The following GIGYF1 variants were observed in gnomAD, a reference collection of about 807,000 sequenced individuals.
The protein encoded by GIGYF1 is GRB10 interacting GYF protein 1, also known as GRB10-interacting GYF protein 1.
In GIGYF1, 84 loss-of-function variants were observed where a neutral mutation model predicts 147.1. That is an observed-to-expected ratio of 0.57 (90% confidence interval 0.48 to 0.68). The LOEUF is 0.68. Among genes scored for constraint, GIGYF1 ranks in the 30% least tolerant of loss-of-function variants. GIGYF1 has a pLI of 0.00. For missense variants in GIGYF1, 1,485 were observed against 1,393.7 expected (o/e 1.07, Z -1.04); for synonymous variants, 752 against 589.5 (o/e 1.28, Z -3.99).
rs777623530 is a variant in GIGYF1, at chr7:100,683,327, C to CCTCCTCCTGCCGCCGCTTCTG, written c.2149_2169dup (p.Gln717_Glu723dup). 1.2e-6 allele frequency: 2 copies of CCTCCTCCTGCCGCCGCTTCTG among 1,613,864 alleles called. No homozygotes were observed. The highest frequency in any genetic ancestry group is 4.5e-5 in the East Asian group (2 of 44,888). On this transcript the variant is annotated inframe_insertion, in exon 21 of 27. Coordinates refer to ENST00000678049, the MANE Select transcript of GIGYF1 (RefSeq NM_001375765.1). ...ACGTGCTTGCGCCGAAACAGCTCTT[C>CCTCCTCCTGCCGCCGCTTCTG]CTCCTCCTGCCGCCGCTTCTGCTCC...
In GIGYF1 at chr7:100,684,039, GGAGCTGCTGCAGGAATGCCGT is replaced by G; in HGVS notation, c.1828_1848del (p.Thr610_Leu616del). 3.1e-6 allele frequency: 5 copies of G among 1,605,792 alleles called. No individual in the cohort carries two copies. Among genetic ancestry groups the G allele is most frequent in the Admixed American group, 1.7e-5 (1 of 59,896 alleles). ...ACGCACCTGGGGGGTTTGAGCGCCT[GGAGCTGCTGCAGGAATGCCGT>G]GAGCTGCTGCTGCTGCTGCTGTGGC... On this transcript the variant is annotated inframe_deletion, in exon 18 of 27. Coordinates refer to ENST00000678049, the MANE Select transcript of GIGYF1 (RefSeq NM_001375765.1).
At chr7:100,692,049 A>C (rs1424425393) in intron 1 of GIGYF1, among the ~76,000 whole-genome samples, 1 of 152,262 alleles carries the variant, frequency 6.6e-6, no homozygotes, top group Non-Finnish European at 1.5e-5. Context: ...CTTGGCACAG[A>C]ACAGAGCCAC....
At chr7:100,687,240 C>A (rs1805444183) in intron 8 of GIGYF1, 58 bp downstream of exon 8, 1 of 1,533,664 alleles carries the variant, frequency 6.5e-7, no homozygotes, top group South Asian at 1.1e-5. Context: ...AGCGACAGGG[C>A]CCAGGCCTCC....
In GIGYF1 at chr7:100,686,028, AC is replaced by A. The variant is rs778754093; in HGVS notation, c.999del (p.Leu334TrpfsTer11). The A allele has an allele frequency of 6.3e-7, 1 of 1,578,540 alleles. No homozygotes were observed. Among genetic ancestry groups the A allele is most frequent in the South Asian group, 1.1e-5 (1 of 89,684 alleles). ...TCGGAAGGTTCCTCCTCCTCCTCCA[AC>A]CCTTGGAAGTCCAGCTCCTGCTCCT... Reference protein sequence around the residue: ...IPEEQELDFQGLEEEEEPSEG... With the variant: ...IPEEQELDFQXLEEEEEPSEG... On this transcript the variant is annotated frameshift_variant, in exon 12 of 27. Coordinates refer to ENST00000678049, the MANE Select transcript of GIGYF1 (RefSeq NM_001375765.1). LOFTEE classifies it high-confidence loss of function.
At position 100,680,498 on chromosome 7, in the gene GIGYF1, C is replaced by G. The variant is rs948408578; in HGVS notation, c.*1221G>C. 6.6e-6 allele frequency: 1 copy of G among 152,650 alleles called. No homozygotes were observed. The highest frequency in any genetic ancestry group is 1.5e-5 in the Non-Finnish European group (1 of 68,076). 9.5% of individuals were successfully genotyped at this position (152,650 alleles called of 1,614,324 possible). A position where few individuals can be genotyped will look rare whatever the true frequency, so the allele number is the denominator to read the frequency against. ...GACCCAGGAGCCGCACACTTCTCTTCACCCCAACCTTACCCAACGGTAAAA... is the reference window on the plus strand; with the variant it reads ...GACCCAGGAGCCGCACACTTCTCTTGACCCCAACCTTACCCAACGGTAAAA... On this transcript the variant is annotated 3_prime_UTR_variant, in exon 27 of 27. Coordinates refer to ENST00000678049, the MANE Select transcript of GIGYF1 (RefSeq NM_001375765.1).
chr7:100,685,485 G>C lies in GIGYF1; in HGVS notation c.1055-4C>G, dbSNP rs1315572489. 1.9e-6 allele frequency: 3 copies of C among 1,598,214 alleles called. No individual in the cohort carries two copies. Among genetic ancestry groups the C allele is most frequent in the East Asian group, 2.2e-5 (1 of 44,636 alleles). Reference sequence around the variant, plus strand: ...AGTGGGGTCAGCTCTTTCCCACCTAGAAGAGGGAGATGGCCAGAGTTCAGA... The same window carrying C: ...AGTGGGGTCAGCTCTTTCCCACCTACAAGAGGGAGATGGCCAGAGTTCAGA... On this transcript the variant is annotated splice_region_variant and splice_polypyrimidine_tract_variant and intron_variant, in intron 12 of 26. Coordinates refer to ENST00000678049, the MANE Select transcript of GIGYF1 (RefSeq NM_001375765.1).
chr7:100,681,969 G>T lies in GIGYF1; in HGVS notation c.2950C>A (p.Leu984Met). The T allele has an allele frequency of 2.5e-6, 4 of 1,608,908 alleles. No homozygotes were observed. The highest frequency in any genetic ancestry group is 3.4e-6 in the Non-Finnish European group (4 of 1,179,924). The change falls in exon 26 of 27, where the codon CTG becomes ATG. Residue 984 changes from leucine to methionine, a missense_variant. Leu to Met is a conservative substitution (Grantham distance 15, BLOSUM62 2). Coordinates refer to ENST00000678049, the MANE Select transcript of GIGYF1 (RefSeq NM_001375765.1). Reference sequence around the variant, plus strand: ...TGGTTGGCCTGGAAGGCCGTCTGCAGCGAGGCGCTGCTCAGCCATGCCTCC... The same window carrying T: ...TGGTTGGCCTGGAAGGCCGTCTGCATCGAGGCGCTGCTCAGCCATGCCTCC... ...QQEAWLSSAS[L>M]QTAFQANHST...
chr7:100,683,261 C>T (rs376344485), intron 21 of GIGYF1, 31 bp from the exon 22 acceptor site: 84 of 1,613,226 alleles, frequency 5.2e-5, no homozygotes, highest in Middle Eastern at 5.0e-4. Flanking sequence ...GGGGACCTGG[C>T]GAGGGTTGTC....
At chr7:100,693,110 G>A (rs191730868) in intron 1 of GIGYF1, among the ~76,000 whole-genome samples, 1 of 152,094 alleles carries the variant, frequency 6.6e-6, no homozygotes, top group South Asian at 2.1e-4. Flanking sequence ...TGAGAGGCAG[G>A]AGGGAAGTAA....
At position 100,682,161 on chromosome 7, in the gene GIGYF1, C is replaced by T. The variant is rs1426167908; in HGVS notation, c.2836G>A (p.Gly946Arg). 6.2e-7 allele frequency: 1 copy of T among 1,614,028 alleles called. No individual in the cohort carries two copies. The highest frequency in any genetic ancestry group is 8.5e-7 in the Non-Finnish European group (1 of 1,179,960). The change falls in exon 25 of 27, where the codon GGG becomes AGG. Residue 946 changes from glycine (G) to arginine (R), a missense_variant. Transcript: ENST00000678049. ...AATTCTTTGGCTTCCAGCGTGTCCC[C>T]CAGGCAGGAACGGATATAATCGTGG... ...DVHDYIRSCL[G>R]DTLEAKEFAK...
chr7:100,686,768 C>G lies in GIGYF1; in HGVS notation c.575G>C (p.Arg192Pro), dbSNP rs751386897. The G allele has an allele frequency of 4.3e-6, 7 of 1,614,042 alleles. No homozygotes were observed. The Admixed American group carries it at 1.2e-4, about 27-fold the overall frequency. ...GGAGCGCCAGTTCTCGCTGTCTGAG[C>G]GGGCGTGCTCCTTCCTTGGGCCAGC... ...GGAGPRKEHA[R>P]SDSENWRSLR... Residue 192 changes from arginine (R) to proline (P), a missense_variant, in exon 10 of 27, where the codon CGC becomes CCC. Coordinates refer to ENST00000678049, the MANE Select transcript of GIGYF1 (RefSeq NM_001375765.1).
chr7:100,692,828 A>G (rs1249064958), intron 1 of GIGYF1, among the ~76,000 whole-genome samples: 1 of 152,220 alleles, frequency 6.6e-6, no homozygotes, highest in Admixed American at 6.5e-5. Context: ...GGGGACCAAG[A>G]CCTACAATCT....
rs946442402 is a variant in GIGYF1 at position 100,686,530 on chromosome 7, C to T, written c.695-97G>A. The T allele has an allele frequency of 2.6e-6, 4 of 1,516,572 alleles. No homozygotes were observed. The African/African-American group carries it at 5.5e-5, about 21-fold the overall frequency. The allele number at this position is 1,516,572 out of a possible 1,614,324, so 93.9% of individuals were successfully genotyped here. ...CACGGAGCACCTCCAGGGCTGCTGT[C>T]CCGGCCACTCCCACACCAGCCAGCC... On this transcript the variant is annotated intron_variant, in intron 10 of 26. Coordinates refer to ENST00000678049, the MANE Select transcript of GIGYF1 (RefSeq NM_001375765.1).
rs780379372 is a variant in GIGYF1 at position 100,682,153 on chromosome 7, C to T, written c.2844G>A (p.Thr948=). The T allele has an allele frequency of 2.2e-5, 35 of 1,613,886 alleles. No individual in the cohort carries two copies. The highest frequency in any genetic ancestry group is 6.7e-5 in the East Asian group (3 of 44,874). The change falls in exon 25 of 27, where the codon ACG becomes ACA. Residue 948 remains threonine (T), a synonymous_variant. Transcript: ENST00000678049. ...GTTTGGCAAATTCTTTGGCTTCCAG[C>T]GTGTCCCCCAGGCAGGAACGGATAT... ...HDYIRSCLGD[T]LEAKEFAKQF... is the part of the protein sequence containing the mutation.
Position 100,681,569 on chromosome 7 carries a change from T to G in GIGYF1, c.*150A>C. 1 of 545,832 alleles carries G rather than the reference T, an allele frequency of 1.8e-6. No homozygotes were observed. Among genetic ancestry groups the G allele is most frequent in the South Asian group, 3.8e-5 (1 of 26,518 alleles). 33.8% of individuals were successfully genotyped at this position (545,832 alleles called of 1,614,324 possible). On this transcript the variant is annotated 3_prime_UTR_variant, in exon 27 of 27. Transcript: ENST00000678049. ...GTAAAGTGCCTCGTGGTGGGTGAGTTAAGGTGCATCGTGTGTTTGTAACAA... is the reference window on the plus strand; with the variant it reads ...GTAAAGTGCCTCGTGGTGGGTGAGTGAAGGTGCATCGTGTGTTTGTAACAA...
At chr7:100,684,409 C>T in intron 16 of GIGYF1, 41 bp downstream of exon 16, 8 of 1,608,770 alleles carry the variant, frequency 5.0e-6, no homozygotes, top group Non-Finnish European at 5.9e-6. Context: ...TGCCGGCACC[C>T]CTCACACCCT....
Position 100,683,891 on chromosome 7 carries a change from C to A in GIGYF1, c.1896G>T (p.Thr632=), listed in dbSNP as rs899601921. 6.4e-7 allele frequency: 1 copy of A among 1,555,538 alleles called. No homozygotes were observed. ...CTGGCACCGACAAGGACCGGCTCATCGTCGGGAGCAGGTTCTGGTCCCCGC... is the reference window on the plus strand; with the variant it reads ...CTGGCACCGACAAGGACCGGCTCATAGTCGGGAGCAGGTTCTGGTCCCCGC... The part of the protein sequence containing the change: ...PRGGDQNLLP[T]MSRSLSVPDS... The change falls in exon 19 of 27, where the codon ACG becomes ACT. Residue 632 remains threonine (T), a synonymous_variant. Transcript: ENST00000678049.
intron 15 of GIGYF1, 39 bp from the exon 16 acceptor site, chr7:100,684,655 C>T (rs1805140116): frequency 6.2e-7 from 1 of 1,613,304 alleles, no homozygotes; most frequent in African/African-American, 1.3e-5. Context: ...CCACTGGGGT[C>T]ACAGGGTATG....
At chr7:100,686,141 C>T (rs539296448) in intron 11 of GIGYF1, 39 bp downstream of exon 11, 8 of 1,600,138 alleles carry the variant, frequency 5.0e-6, no homozygotes, top group East Asian at 4.5e-5. Context: ...AAGAGGACCC[C>T]GGAAGGGCAG....
Sources: allele counts gnomAD v4.1 joint callset (sites outside exome capture counted in the v4.1 genomes callset), GRCh38; gene constraint gnomAD v4.1.1; transcripts MANE v1.5; gene names NCBI Gene and HGNC (gene_info 2026-07-23, HGNC 2026-07-21).